Variants in LAMA3 observed in about 807,000 individuals in gnomAD.
LAMA3 encodes the protein laminin subunit alpha-3.
In LAMA3, 281 loss-of-function variants were observed where a neutral mutation model predicts 402.0. That is an observed-to-expected ratio of 0.70 (90% CI 0.63 to 0.77). The LOEUF is 0.77. LAMA3 is among the 30% of genes least tolerant of loss of function. The pLI is 0.00. For synonymous variants in LAMA3, 1,431 were observed against 1,558.4 expected, an observed-to-expected ratio of 0.92 and a Z score of 1.93; for missense variants, 3,840 against 4,215.5, an observed-to-expected ratio of 0.91 and a Z score of 2.47.
intron 1 of LAMA3, among the ~76,000 whole-genome samples, chr18:23,712,583 CAT>C (rs113279416): frequency 6.7e-6 from 1 of 150,042 alleles, no homozygotes; most frequent in African/African-American, 2.5e-5. Flanking sequence ...GGCGGGGCCA[CAT>C]ACACCCAAGG....
chr18:23,746,862 T>A (rs927587729), intron 2 of LAMA3, among the ~76,000 whole-genome samples: 3 of 151,924 alleles, frequency 2.0e-5, no homozygotes, highest in Admixed American at 2.0e-4. Context: ...AATGTTTACA[T>A]TAGCTGGCAG....
rs2061874205 is a variant in LAMA3, at chr18:23,757,507, GC to G, written c.948-887del. On this transcript the variant is annotated intron_variant, in intron 6 of 74. Transcript: ENST00000313654. ...CCTCACTGCCACTAGACCCTTCTTG[GC>G]CTCGCTCCAGCTCCCCCCAGCAGTT... 2.0e-5 allele frequency among the ~76,000 whole-genome samples: 3 copies of G among 150,610 alleles called. No individual in the cohort carries two copies. In the South Asian group the frequency reaches 6.3e-4, roughly 32 times the overall value.
Position 23,827,449 on chromosome 18 carries a change from G to A in LAMA3, c.2805G>A (p.Val935=), listed in dbSNP as rs1169676500. Residue 935 remains valine, a synonymous_variant, in exon 23 of 75, where the codon GTG becomes GTA. Coordinates refer to ENST00000313654, the MANE Select transcript of LAMA3 (RefSeq NM_198129.4). ...CCACACCTGCACACCCTGTCATGGTGGACCTCAGCGGGAGAGAGGTGGGCC... is the reference window on the plus strand; with the variant it reads ...CCACACCTGCACACCCTGTCATGGTAGACCTCAGCGGGAGAGAGGTGGGCC... ...RQPTPAHPVM[V]DLSGREVELH... is the part of the protein sequence containing the mutation. 6.2e-7 allele frequency: 1 copy of A among 1,614,146 alleles called. No individual in the cohort carries two copies. The highest frequency in any genetic ancestry group is 1.1e-5 in the South Asian group (1 of 91,076).
At chr18:23,863,011 G>A (rs1369354887) in intron 35 of LAMA3, among the ~76,000 whole-genome samples, 2 of 152,100 alleles carry the variant, frequency 1.3e-5, no homozygotes, top group East Asian at 1.9e-4. Context: ...GGGAGAGAGA[G>A]AGAGAGAGAA....
chr18:23,916,115 C>T (rs1002629058), intron 59 of LAMA3, among the ~76,000 whole-genome samples: 1 of 151,556 alleles, frequency 6.6e-6, no homozygotes, highest in African/African-American at 2.4e-5. Context: ...GGTACTCTTC[C>T]ACCTCAATCT....
chr18:23,695,796 CAAAAAAAAAAAAAAAAAAAAA>C (rs58873998), intron 1 of LAMA3, among the ~76,000 whole-genome samples: 1,369 of 38,650 alleles, frequency 0.035, 39 homozygotes, highest in African/African-American at 0.13. Context: ...GACTCCATCT[CAAAAAAAAAAAAAAAAAAAAA>C]AAAAAAAAAA....
rs1273874335 is a variant in LAMA3, at chr18:23,876,402, TG to T, written c.5108del (p.Cys1703LeufsTer46). On this transcript the variant is annotated frameshift_variant, in exon 39 of 75. Coordinates refer to ENST00000313654, the MANE Select transcript of LAMA3 (RefSeq NM_198129.4). LOFTEE classifies it high-confidence loss of function. ...SNQCQDGSGI[C>X]VNCQHNTAGE... ...TCAATGCCAGGATGGCTCAGGCATA[TG>T]TGTTGTGAGTAAATTGACACTTTAA... 6.2e-7 allele frequency: 1 copy of T among 1,601,984 alleles called. No homozygotes were observed. The highest frequency in any genetic ancestry group is 8.6e-7 in the Non-Finnish European group (1 of 1,168,952).
intron 12 of LAMA3, among the ~76,000 whole-genome samples, chr18:23,792,619 G>A (rs182785870): frequency 6.6e-6 from 1 of 152,308 alleles, no homozygotes; most frequent in East Asian, 1.9e-4. Context: ...CATAGCATAT[G>A]GGAAGCCTCG....
Position 23,858,570 on chromosome 18 carries a change from G to A in LAMA3, c.4282-119G>A. 4 of 920,802 alleles carry A rather than the reference G, an allele frequency of 4.3e-6. No individual in the cohort carries two copies. The South Asian group carries it at 5.3e-5, about 12-fold the overall frequency. The allele number at this position is 920,802 out of a possible 1,614,324, so 57.0% of individuals were successfully genotyped here. A position where few individuals can be genotyped will look rare whatever the true frequency, so the allele number is the denominator to read the frequency against. On this transcript the variant is annotated intron_variant, in intron 33 of 74. Coordinates refer to ENST00000313654, the MANE Select transcript of LAMA3 (RefSeq NM_198129.4). ...CTTAATAATTAACATCTCTTTTAAT[G>A]TTTTGCTCACATCCTCATCCTAACA... is the stretch of plus-strand genomic sequence containing the variant.
chr18:23,691,701 A>G (rs1175290930), intron 1 of LAMA3, among the ~76,000 whole-genome samples: 1 of 152,218 alleles, frequency 6.6e-6, no homozygotes, highest in Non-Finnish European at 1.5e-5. Flanking sequence ...CCTGCCAAGT[A>G]GCTGGGACTA....
chr18:23,710,115 T>G (rs2337179), intron 1 of LAMA3: 32,804 of 712,896 alleles, frequency 0.046, 2,501 homozygotes, highest in Admixed American at 0.24. Context: ...CGAGGATATT[T>G]GGGCTGCCTC....
intron 25 of LAMA3, 93 bp from the exon 26 acceptor site, chr18:23,838,688 A>G: frequency 1.4e-6 from 1 of 739,458 alleles, no homozygotes; most frequent in Non-Finnish European, 2.5e-6. Context: ...TAAATCCTTT[A>G]CTTAATAGCT....
intron 1 of LAMA3, among the ~76,000 whole-genome samples, chr18:23,706,073 A>T (rs887434545): frequency 6.6e-6 from 1 of 152,200 alleles, no homozygotes; most frequent in Non-Finnish European, 1.5e-5. Context: ...TATAAAAAGT[A>T]TATCATGCTT....
chr18:23,700,028 C>G (rs904068189), intron 1 of LAMA3, among the ~76,000 whole-genome samples: 2 of 151,994 alleles, frequency 1.3e-5, no homozygotes, highest in Non-Finnish European at 2.9e-5. Context: ...TATCACAAAC[C>G]CTTGCAGCAG....
intron 38 of LAMA3, chr18:23,873,325 C>A (rs2064595019): frequency 1.0e-6 from 1 of 954,058 alleles, no homozygotes; most frequent in Non-Finnish European, 1.7e-6. Context: ...TGAGGAGGGG[C>A]TGATGGCCTC....
intron 42 of LAMA3, among the ~76,000 whole-genome samples, chr18:23,890,359 T>A (rs536419607): frequency 1.9e-4 from 29 of 152,208 alleles, no homozygotes; most frequent in African/African-American, 2.9e-4. Flanking sequence ...CTTTTTTTTT[T>A]TAAAAAGTGA....
intron 34 of LAMA3, among the ~76,000 whole-genome samples, chr18:23,860,797 G>A (rs1304043207): frequency 3.4e-5 from 5 of 147,646 alleles, no homozygotes; most frequent in Non-Finnish European, 6.0e-5. Flanking sequence ...GGGTTCAAGC[G>A]ATTCTTCTGC....
At chr18:23,816,090 T>G (rs1307424327) in intron 17 of LAMA3, among the ~76,000 whole-genome samples, 1 of 152,226 alleles carries the variant, frequency 6.6e-6, no homozygotes, top group Non-Finnish European at 1.5e-5. Flanking sequence ...AGCTGGCTTA[T>G]AGTAGCCGCC....
At chr18:23,719,049 G>T (rs916444387) in intron 2 of LAMA3, among the ~76,000 whole-genome samples, 1 of 152,188 alleles carries the variant, frequency 6.6e-6, no homozygotes, top group Non-Finnish European at 1.5e-5. Context: ...TCTGGTGGCA[G>T]CCTACTCATT....
Sources: gnomAD v4.1 joint callset for allele counts (sites outside exome capture counted in the v4.1 genomes callset) on GRCh38, gnomAD v4.1.1 for gene constraint, MANE v1.5 for transcripts, NCBI Gene and HGNC (gene_info 2026-07-23, HGNC 2026-07-21) for gene names.